The following UBE2E1 variants were observed in gnomAD, a reference collection of about 807,000 sequenced individuals.
UBE2E1 encodes ubiquitin conjugating enzyme E2 E1.
UBE2E1 carries 6 observed loss-of-function variants against 21.4 expected under a neutral mutation model. That is an observed-to-expected ratio of 0.28 (90% CI 0.15 to 0.55). UBE2E1 has a LOEUF of 0.55. Among genes scored for constraint, UBE2E1 ranks in the 20% least tolerant of loss-of-function variants. The pLI, the probability that UBE2E1 is intolerant of heterozygous loss-of-function variation, is 0.93. For synonymous variants in UBE2E1, 87 were observed against 82.7 expected (o/e 1.05, Z -0.28); for missense variants, 142 against 236.5 (o/e 0.60, Z 2.62).
At chr3:23,889,867 C>T (rs1172536643) in intron 5 of UBE2E1, 1 of 555,528 alleles carries the variant, frequency 1.8e-6, no homozygotes, top group East Asian at 1.4e-4. Context: ...TGCATTCCAG[C>T]CTGGGTGGCA....
At position 23,870,778 on chromosome 3, in the gene UBE2E1, A is replaced by T. The variant is rs1700766828; in HGVS notation, c.204-16789A>T. 6.6e-6 allele frequency among the ~76,000 whole-genome samples: 1 copy of T among 151,894 alleles called. No homozygotes were observed. The highest frequency in any genetic ancestry group is 6.6e-5 in the Admixed American group (1 of 15,248). On this transcript the variant is annotated intron_variant, in intron 3 of 5. Transcript: ENST00000306627. The surrounding 1 kb of genome is among the most constrained non-coding windows in gnomAD (Gnocchi z 4.2). ...TAGTGGAGGGAAGGTCAGCAGATAA[A>T]CAAGTGAACAAAGGTCTCTGGTTTT...
intron 3 of UBE2E1, among the ~76,000 whole-genome samples, chr3:23,862,426 A>G (rs144155841): frequency 3.7e-4 from 57 of 152,336 alleles, no homozygotes; most frequent in African/African-American, 1.3e-3. Context: ...TCAGTTTTCC[A>G]TAGAATACAT....
chr3:23,811,789 C>CAT (rs972041479), intron 3 of UBE2E1, among the ~76,000 whole-genome samples: 1 of 152,184 alleles, frequency 6.6e-6, no homozygotes, highest in African/African-American at 2.4e-5. Context: ...CTTGCCTAAT[C>CAT]ATGGGTCTTT....
chr3:23,842,250 G>GTGTGTGTGTGTGTGTGGTGT lies in UBE2E1; in HGVS notation c.203+30743_203+30744insGTGTGTGTGTGTGGTGTTGT, dbSNP rs1553637746. Among the ~76,000 whole-genome samples the GTGTGTGTGTGTGTGTGGTGT allele has an allele frequency of 3.1e-3, 270 of 86,278 alleles. 1 individual carries two copies. Among genetic ancestry groups the GTGTGTGTGTGTGTGTGGTGT allele is most frequent in the Middle Eastern group, 7.0e-3 (1 of 142 alleles). The allele number at this position is 86,278 out of a possible 152,430, so 56.6% of individuals were successfully genotyped here. On this transcript the variant is annotated intron_variant, in intron 3 of 5. Coordinates refer to ENST00000306627, the MANE Select transcript of UBE2E1 (RefSeq NM_003341.5). This position sits in a 1 kb window ranked among gnomAD's most constrained non-coding sequence, Gnocchi z 4.6. Reference sequence around the variant, plus strand: ...GTGTGTGTGTGTGTGTGTGTGTGTGGTGTTGTTGTTGTTGGCGACAGGGTC... The same window carrying GTGTGTGTGTGTGTGTGGTGT: ...GTGTGTGTGTGTGTGTGTGTGTGTGGTGTGTGTGTGTGTGTGGTGTTGTTGTTGTTGTTGGCGACAGGGTC...
At chr3:23,868,589 G>GAGTCACC (rs1365850625) in intron 3 of UBE2E1, among the ~76,000 whole-genome samples, 2 of 152,182 alleles carry the variant, frequency 1.3e-5, no homozygotes, top group African/African-American at 4.8e-5. Context: ...TTATAGCCAT[G>GAGTCACC]AGTCACCATG....
chr3:23,870,466 A>G lies in UBE2E1; in HGVS notation c.204-17101A>G, dbSNP rs980115269. Among the ~76,000 whole-genome samples the G allele has an allele frequency of 4.6e-5, 7 of 152,102 alleles. No individual in the cohort carries two copies. Among genetic ancestry groups the G allele is most frequent in the African/African-American group, 9.7e-5 (4 of 41,408 alleles). On this transcript the variant is annotated intron_variant, in intron 3 of 5. Transcript: ENST00000306627. This position sits in a 1 kb window ranked among gnomAD's most constrained non-coding sequence, Gnocchi z 4.2. ...TTTACCTGTATTTCTGCCTATTGCT[A>G]TGGGCAGAGCAGCTTTAAGCACAGA...
Position 23,890,511 on chromosome 3 carries a change from G to A in UBE2E1, c.487G>A (p.Asp163Asn). Residue 163 changes from aspartate to asparagine, a missense_variant and splice_region_variant, in exon 6 of 6, where the codon GAC (aspartate) becomes AAC (asparagine). By Grantham distance (23) the Asp-to-Asn change is conservative (BLOSUM62 1). This residue lies in a region of UBE2E1 where 87 missense variants were observed against 184.9 expected (regional missense o/e 0.47). Coordinates refer to ENST00000306627, the MANE Select transcript of UBE2E1 (RefSeq NM_003341.5). ...CSLLTDCNPA[D>N]PLVGSIATQY... ...TAATCTACATTCTTTTCTTCCAGCC[G>A]ACCCCTTGGTGGGAAGTATTGCCAC... 1 of 1,608,686 alleles carries A rather than the reference G, an allele frequency of 6.2e-7. No homozygotes were observed.
At chr3:23,844,206 G>A (rs2125302578) in intron 3 of UBE2E1, among the ~76,000 whole-genome samples, 1 of 152,076 alleles carries the variant, frequency 6.6e-6, no homozygotes, top group East Asian at 1.9e-4. Context: ...CCTCTTTCCT[G>A]CTTGTTTATT....
intron 3 of UBE2E1, among the ~76,000 whole-genome samples, chr3:23,845,410 T>G (rs945045111): frequency 6.6e-6 from 1 of 152,156 alleles, no homozygotes. Flanking sequence ...GCAATGAAAT[T>G]GTAAGCCACA....
In UBE2E1 at chr3:23,842,122, A is replaced by G. The variant is rs1700097032; in HGVS notation, c.203+30612A>G. On this transcript the variant is annotated intron_variant, in intron 3 of 5. Transcript: ENST00000306627. The surrounding 1 kb of genome is among the most constrained non-coding windows in gnomAD (Gnocchi z 4.6). ...TGGTGTAACTTTTGGTTTGACTATA[A>G]TGGGCAGTGGAATCTCAGATGTTAG... Among the ~76,000 whole-genome samples the G allele has an allele frequency of 6.6e-6, 1 of 150,850 alleles. No homozygotes were observed. Among genetic ancestry groups the G allele is most frequent in the African/African-American group, 2.4e-5 (1 of 41,154 alleles).
At chr3:23,850,453 A>G (rs116572354) in intron 3 of UBE2E1, among the ~76,000 whole-genome samples, 32 of 151,840 alleles carry the variant, frequency 2.1e-4, no homozygotes, top group African/African-American at 7.0e-4. Context: ...CAGTTTACCT[A>G]TTTTTCTTTT....
rs1699514833 is a variant in UBE2E1, at chr3:23,816,281, G to A, written c.203+4771G>A. Among the ~76,000 whole-genome samples, 1 of 152,154 alleles carries A rather than the reference G, an allele frequency of 6.6e-6. No individual in the cohort carries two copies. The highest frequency in any genetic ancestry group is 2.4e-5 in the African/African-American group (1 of 41,434). On this transcript the variant is annotated intron_variant, in intron 3 of 5. Transcript: ENST00000306627. This position sits in a 1 kb window ranked among gnomAD's most constrained non-coding sequence, Gnocchi z 4.8. The stretch of plus-strand genomic sequence containing the variant: ...TAGCATTATTCATAGTAGCCAAAAA[G>A]TGGAAAAAACCCAAGTGTCTGTCAA...
intron 3 of UBE2E1, among the ~76,000 whole-genome samples, chr3:23,819,928 G>T (rs553741282): frequency 2.6e-5 from 4 of 152,276 alleles, no homozygotes; most frequent in Admixed American, 2.6e-4. Context: ...TTCATGTAAG[G>T]TTTATCATCT....
chr3:23,890,671 G>A lies in UBE2E1; in HGVS notation c.*65G>A. ...GAAGAGAGCTGCTTATGATTTTGAA[G>A]GGGTCAGGGAGGGTGGGAGTTGGTA... On this transcript the variant is annotated 3_prime_UTR_variant, in exon 6 of 6. Transcript: ENST00000306627. The A allele has an allele frequency of 6.9e-7, 1 of 1,454,058 alleles. No homozygotes were observed. The highest frequency in any genetic ancestry group is 9.5e-7 in the Non-Finnish European group (1 of 1,048,900). 90.1% of individuals were successfully genotyped at this position (1,454,058 alleles called of 1,614,324 possible).
intron 3 of UBE2E1, among the ~76,000 whole-genome samples, chr3:23,839,977 GT>G (rs1700051748): frequency 6.6e-6 from 1 of 151,978 alleles, no homozygotes; most frequent in Non-Finnish European, 1.5e-5. Flanking sequence ...TGAGCTTATA[GT>G]TTCATCATAT....
intron 4 of UBE2E1, 63 bp from the exon 5 acceptor site, chr3:23,889,049 G>T (rs1701275019): frequency 6.6e-7 from 1 of 1,510,466 alleles, no homozygotes; most frequent in African/African-American, 1.4e-5. Flanking sequence ...GGGTCATTCA[G>T]TTGAATATTT....
At chr3:23,833,858 C>G (rs932479234) in intron 3 of UBE2E1, among the ~76,000 whole-genome samples, 2 of 152,036 alleles carry the variant, frequency 1.3e-5, no homozygotes, top group Non-Finnish European at 2.9e-5. Context: ...ATTAGCTGGG[C>G]ATGGTGGCAT....
chr3:23,835,784 A>G lies in UBE2E1; in HGVS notation c.203+24274A>G, dbSNP rs570682868. Among the ~76,000 whole-genome samples the G allele has an allele frequency of 7.9e-5, 12 of 152,336 alleles. No homozygotes were observed. The East Asian group carries it at 2.3e-3, about 29-fold the overall frequency. ...TCACGGTTTACCTGTATCAATTTGC[A>G]GATTATTGTTTGAAAAATTCTGGTG... On this transcript the variant is annotated intron_variant, in intron 3 of 5. Transcript: ENST00000306627.
chr3:23,810,299 A>T lies in UBE2E1; in HGVS notation c.153-1161A>T. On this transcript the variant is annotated intron_variant, in intron 2 of 5. Coordinates refer to ENST00000306627, the MANE Select transcript of UBE2E1 (RefSeq NM_003341.5). This position sits in a 1 kb window ranked among gnomAD's most constrained non-coding sequence, Gnocchi z 5.8. ...CTTAGAGGCCCTAAACTGTCGTATT[A>T]ATTGATGCTCTAAGTGCCTAGGTAA... 1.3e-6 allele frequency: 1 copy of T among 751,482 alleles called. No individual in the cohort carries two copies. Among genetic ancestry groups the T allele is most frequent in the Non-Finnish European group, 2.2e-6 (1 of 456,570 alleles). 46.6% of individuals were successfully genotyped at this position (751,482 alleles called of 1,614,324 possible). A position where few individuals can be genotyped will look rare whatever the true frequency, so the allele number is the denominator to read the frequency against.
Sources: gnomAD v4.1 joint callset for allele counts (sites outside exome capture counted in the v4.1 genomes callset) on GRCh38, gnomAD v4.1.1 for gene constraint, gnomAD v4.1.1 regional missense constraint, Gnocchi (gnomAD v3.1) non-coding constraint, MANE v1.5 for transcripts, NCBI Gene and HGNC (gene_info 2026-07-23, HGNC 2026-07-21) for gene names.